The following EXO1 variants were observed in gnomAD, a reference collection of about 807,000 sequenced individuals.
EXO1 encodes exonuclease 1.
Under a neutral mutation model 84.5 loss-of-function variants are expected in EXO1, and 69 were observed. That is an observed-to-expected ratio of 0.82 (90% CI 0.67 to 1.00). The LOEUF (loss-of-function observed/expected upper bound fraction) is 1.00. EXO1 is among the 50% of genes least tolerant of loss of function. The pLI, the probability that EXO1 is intolerant of heterozygous loss-of-function variation, is 0.00. For missense variants in EXO1, 1,045 were observed against 1,000.7 expected (o/e 1.04, Z -0.60); for synonymous variants, 373 against 366.1 (o/e 1.02, Z -0.21).
intron 7 of EXO1, among the ~76,000 whole-genome samples, chr1:241,857,872 A>G (rs1661153869): frequency 6.6e-6 from 1 of 152,184 alleles, no homozygotes; most frequent in Non-Finnish European, 1.5e-5. Flanking sequence ...GGTTAGGTAT[A>G]CTAACTTATG....
intron 10 of EXO1, among the ~76,000 whole-genome samples, chr1:241,864,423 A>C (rs114080445): frequency 6.6e-6 from 1 of 152,198 alleles, no homozygotes; most frequent in Non-Finnish European, 1.5e-5. Flanking sequence ...TTTCAGACAA[A>C]TGAATCTATC....
At chr1:241,885,241 G>A in intron 14 of EXO1, 73 bp from the exon 15 acceptor site, 10 of 572,828 alleles carry the variant, frequency 1.7e-5, no homozygotes, top group African/African-American at 2.7e-5. Flanking sequence ...AATAAGTAAA[G>A]AATAAAGAAT....
chr1:241,861,309 G>A (rs888589025), intron 9 of EXO1, 97 bp from the exon 10 acceptor site: 1 of 730,308 alleles, frequency 1.4e-6, no homozygotes, highest in African/African-American at 1.7e-5. Flanking sequence ...ATAAACCTAT[G>A]GATTTTCGTG....
intron 3 of EXO1, 65 bp from the exon 4 acceptor site, chr1:241,850,344 A>C (rs1031387790): frequency 9.0e-7 from 1 of 1,111,508 alleles, no homozygotes; most frequent in Non-Finnish European, 1.4e-6. Context: ...TCATTTGTCT[A>C]AGATGTTTTA....
At chr1:241,883,032 C>T (rs1486183091) in intron 14 of EXO1, among the ~76,000 whole-genome samples, 1 of 152,072 alleles carries the variant, frequency 6.6e-6, no homozygotes, top group African/African-American at 2.4e-5. Flanking sequence ...ACCTAAATAA[C>T]AATAAGGGAG....
intron 12 of EXO1, among the ~76,000 whole-genome samples, chr1:241,877,282 T>C (rs998381340): frequency 6.6e-6 from 1 of 152,198 alleles, no homozygotes; most frequent in Non-Finnish European, 1.5e-5. Context: ...GTTTTACTTC[T>C]GTTTGTTGCT....
In EXO1 at chr1:241,872,173, A is replaced by G. The variant is rs745374205; in HGVS notation, c.1409A>G (p.Lys470Arg). 6.2e-7 allele frequency: 1 copy of G among 1,614,058 alleles called. No individual in the cohort carries two copies. The highest frequency in any genetic ancestry group is 1.1e-5 in the South Asian group (1 of 91,076). ...GACCTGGTAAATGGACCTACTAACAAAAAGAGTGTAAGCACTCCACCTAGG... is the reference window on the plus strand; with the variant it reads ...GACCTGGTAAATGGACCTACTAACAGAAAGAGTGTAAGCACTCCACCTAGG... Reference protein sequence around the residue: ...VPDLVNGPTNKKSVSTPPRTR... With the variant: ...VPDLVNGPTNRKSVSTPPRTR... Residue 470 changes from lysine (K) to arginine (R), a missense_variant, in exon 12 of 16, where the codon AAA becomes AGA. Physicochemically the swap from Lys to Arg is conservative, Grantham distance 26 (BLOSUM62 2). Transcript: ENST00000366548.
rs1558144144 is a variant in EXO1, at chr1:241,879,301, A to G, written c.2067A>G (p.Ala689=). Residue 689 remains alanine, a synonymous_variant, in exon 13 of 16, where the codon GCA becomes GCG. Coordinates refer to ENST00000366548, the MANE Select transcript of EXO1 (RefSeq NM_130398.4). ...SGEFSLQSSN[A]SKLSQCSSKD... Reference sequence around the variant, plus strand: ...AATTCTCACTGCAGAGTTCAAATGCATCAAAGCTTTCTCAGTGCTCTAGTA... The same window carrying G: ...AATTCTCACTGCAGAGTTCAAATGCGTCAAAGCTTTCTCAGTGCTCTAGTA... 20 of 1,605,944 alleles carry G rather than the reference A, an allele frequency of 1.2e-5. No individual in the cohort carries two copies. Among genetic ancestry groups the G allele is most frequent in the Non-Finnish European group, 1.6e-5 (19 of 1,177,776 alleles).
chr1:241,864,484 A>G (rs2797604), intron 10 of EXO1, among the ~76,000 whole-genome samples: 54,928 of 152,114 alleles, frequency 0.36, 10,999 homozygotes, highest in Middle Eastern at 0.48. Flanking sequence ...CAAAAGTTCA[A>G]TTGTTCTGGT....
At chr1:241,868,535 AC>A (rs1465189059) in intron 11 of EXO1, among the ~76,000 whole-genome samples, 1 of 152,076 alleles carries the variant, frequency 6.6e-6, no homozygotes, top group East Asian at 1.9e-4. Context: ...AAATGTGGTG[AC>A]GTGTGTCTGT....
chr1:241,860,036 C>T (rs1661287963), intron 8 of EXO1, among the ~76,000 whole-genome samples: 1 of 152,144 alleles, frequency 6.6e-6, no homozygotes, highest in Non-Finnish European at 1.5e-5. Flanking sequence ...TCTGGGCCTT[C>T]CCTTTTTCAT....
intron 10 of EXO1, among the ~76,000 whole-genome samples, chr1:241,862,359 C>T (rs937913982): frequency 6.6e-6 from 1 of 152,136 alleles, no homozygotes. Context: ...GTTTACATTT[C>T]TTCCTTAGGT....
At chr1:241,880,286 A>G (rs1312697440) in intron 13 of EXO1, among the ~76,000 whole-genome samples, 1 of 152,160 alleles carries the variant, frequency 6.6e-6, no homozygotes, top group Non-Finnish European at 1.5e-5. Flanking sequence ...GGCAGTGGCT[A>G]TCTTGAACAT....
chr1:241,863,408 T>TAA (rs201846231), intron 10 of EXO1, among the ~76,000 whole-genome samples: 14 of 94,480 alleles, frequency 1.5e-4, no homozygotes, highest in Non-Finnish European at 1.9e-4. Flanking sequence ...GATTCCAGGC[T>TAA]AAAAAAAAAA....
intron 11 of EXO1, among the ~76,000 whole-genome samples, 198 bp downstream of exon 11, chr1:241,867,253 A>G (rs549801732): frequency 5.6e-4 from 86 of 152,342 alleles, no homozygotes; most frequent in African/African-American, 2.1e-3. Context: ...ATGGACGCAC[A>G]GTTCCATGTA....
Position 241,848,673 on chromosome 1 carries a change from C to A in EXO1, c.-419-58C>A, listed in dbSNP as rs1020650270. 2 of 152,238 alleles carry A rather than the reference C, an allele frequency of 1.3e-5. No homozygotes were observed. Among genetic ancestry groups the A allele is most frequent in the African/African-American group, 2.4e-5 (1 of 41,452 alleles). 9.4% of individuals were successfully genotyped at this position (152,238 alleles called of 1,614,324 possible). ...GCAGAAGCTGGCAGTCCAGGTTTTACATGCAATCTCTCCACCTTTAAATGT... is the reference window on the plus strand; with the variant it reads ...GCAGAAGCTGGCAGTCCAGGTTTTAAATGCAATCTCTCCACCTTTAAATGT... On this transcript the variant is annotated intron_variant, in intron 1 of 15. Coordinates refer to ENST00000366548, the MANE Select transcript of EXO1 (RefSeq NM_130398.4). This position sits in a 1 kb window ranked among gnomAD's most constrained non-coding sequence, Gnocchi z 4.2.
intron 9 of EXO1, 133 bp downstream of exon 9, chr1:241,860,837 T>TATTGTTC (rs1661341308): frequency 2.7e-6 from 2 of 739,930 alleles, no homozygotes; most frequent in Admixed American, 4.7e-5. Flanking sequence ...GAAATCTGTA[T>TATTGTTC]ATTGTTCATT....
intron 7 of EXO1, 62 bp from the exon 8 acceptor site, chr1:241,858,444 G>C (rs1475174389): frequency 9.2e-6 from 9 of 980,516 alleles, no homozygotes. Flanking sequence ...AATTATTGCA[G>C]TGGATTAGAT....
At chr1:241,885,104 G>A (rs1004982313) in intron 14 of EXO1, among the ~76,000 whole-genome samples, 1 of 152,034 alleles carries the variant, frequency 6.6e-6, no homozygotes, top group Non-Finnish European at 1.5e-5. Context: ...CTACTCGGGA[G>A]GCTGAGGCAG....
Sources: gnomAD v4.1 joint callset for allele counts (sites outside exome capture counted in the v4.1 genomes callset) on GRCh38, gnomAD v4.1.1 for gene constraint, Gnocchi (gnomAD v3.1) non-coding constraint, MANE v1.5 for transcripts, NCBI Gene and HGNC (gene_info 2026-07-23, HGNC 2026-07-21) for gene names.